The following WWOX variants were observed in gnomAD, a reference collection of about 807,000 sequenced individuals.
WWOX encodes the protein WW domain-containing oxidoreductase.
Under a neutral mutation model 46.2 loss-of-function variants are expected in WWOX, and 69 were observed. The ratio of observed to expected loss-of-function variants is 1.49; its 90% CI spans 1.23 to 1.82. WWOX has a LOEUF of 1.82. Ranked by LOEUF, WWOX falls within the 40% of genes most tolerant of loss-of-function variation. The pLI, the probability that WWOX is intolerant of heterozygous loss-of-function variation, is 0.00. For missense variants in WWOX, 919 were observed against 542.6 expected, an observed-to-expected ratio of 1.69 and a Z score of -6.89; for synonymous variants, 359 against 202.6, an observed-to-expected ratio of 1.77 and a Z score of -6.56.
chr16:79,189,381 C>T (rs572349880), intron 8 of WWOX, among the ~76,000 whole-genome samples: 79 of 151,040 alleles, frequency 5.2e-4, no homozygotes, highest in African/African-American at 1.9e-3. Flanking sequence ...TCTCAGCCTC[C>T]CGAGTAGCTG....
intron 8 of WWOX, among the ~76,000 whole-genome samples, chr16:79,063,901 G>T (rs2048397511): frequency 6.6e-6 from 1 of 152,214 alleles, no homozygotes. Flanking sequence ...CAAAGATAAT[G>T]AGACTAGTAT....
chr16:79,016,336 T>G (rs542806295), intron 8 of WWOX: 1 of 152,386 alleles, frequency 6.6e-6, no homozygotes, highest in East Asian at 1.9e-4. Flanking sequence ...GGGTGGTTGC[T>G]CCTCCTGCAG....
At chr16:78,424,111 T>A (rs28374160) in intron 6 of WWOX, among the ~76,000 whole-genome samples, 2 of 143,578 alleles carry the variant, frequency 1.4e-5, no homozygotes, top group Non-Finnish European at 3.0e-5. Context: ...TCTTTTCTTT[T>A]TTTTTTTTGT....
chr16:79,187,803 C>G (rs1270789032), intron 8 of WWOX, among the ~76,000 whole-genome samples: 2 of 152,236 alleles, frequency 1.3e-5, no homozygotes, highest in Non-Finnish European at 2.9e-5. Context: ...TGGCCTCCCA[C>G]ATTGCTGGGA....
chr16:78,325,912 G>A (rs2080601368), intron 5 of WWOX, among the ~76,000 whole-genome samples: 1 of 152,370 alleles, frequency 6.6e-6, no homozygotes, highest in South Asian at 2.1e-4. Flanking sequence ...GCTATGAAAT[G>A]ATGCCCACTG....
chr16:79,047,068 A>G (rs2048079145), intron 8 of WWOX, among the ~76,000 whole-genome samples: 1 of 152,196 alleles, frequency 6.6e-6, no homozygotes, highest in African/African-American at 2.4e-5. Flanking sequence ...GGCATCCACA[A>G]ATATTGCTTC....
Position 78,849,458 on chromosome 16 carries a change from C to T in WWOX, c.1057-362150C>T, listed in dbSNP as rs2052384995. On this transcript the variant is annotated intron_variant, in intron 8 of 8. Coordinates refer to ENST00000566780, the MANE Select transcript of WWOX (RefSeq NM_016373.4). ...GCCTGGTGGCGGGCGCCTGTAGTCC[C>T]AGCTACTGGGGAGGCTGAGGCAGGA... Among the ~76,000 whole-genome samples the T allele has an allele frequency of 2.0e-5, 3 of 151,266 alleles. No individual in the cohort carries two copies. In the South Asian group the frequency reaches 6.3e-4, roughly 32 times the overall value.
chr16:79,109,544 T>G (rs2049376855), intron 8 of WWOX, among the ~76,000 whole-genome samples: 1 of 152,214 alleles, frequency 6.6e-6, no homozygotes, highest in African/African-American at 2.4e-5. Flanking sequence ...CAAATTAATA[T>G]GCAGTTGCTA....
chr16:78,710,498 A>ATT (rs1555520990), intron 8 of WWOX, among the ~76,000 whole-genome samples: 57 of 132,744 alleles, frequency 4.3e-4, no homozygotes, highest in Middle Eastern at 3.8e-3. Flanking sequence ...ATATATATAT[A>ATT]TTTATATAAA....
intron 8 of WWOX, among the ~76,000 whole-genome samples, chr16:78,954,171 T>G (rs2046118888): frequency 6.6e-6 from 1 of 152,214 alleles, no homozygotes. Flanking sequence ...GATTGCATAT[T>G]CTTTAGATGG....
At chr16:78,537,106 G>A (rs183931704) in intron 8 of WWOX, among the ~76,000 whole-genome samples, 3 of 151,882 alleles carry the variant, frequency 2.0e-5, no homozygotes, top group East Asian at 1.9e-4. Context: ...TAGTAGAGGC[G>A]GGGTTTTGCC....
chr16:78,338,919 ACTT>A lies in WWOX; in HGVS notation c.517-47933_517-47931del, dbSNP rs1232717305. ...AAAGTTAAAGCAGCCCTCAGCATCA[ACTT>A]CTTCTTCATTTCTAACTCATTTAGT... On this transcript the variant is annotated intron_variant, in intron 5 of 8. Coordinates refer to ENST00000566780, the MANE Select transcript of WWOX (RefSeq NM_016373.4). Among the ~76,000 whole-genome samples, 7 of 120,682 alleles carry A rather than the reference ACTT, an allele frequency of 5.8e-5. 1 individual carries two copies. The highest frequency in any genetic ancestry group is 1.9e-4 in the East Asian group (1 of 5,160). The allele number at this position is 120,682 out of a possible 152,430, so 79.2% of individuals were successfully genotyped here. A position where few individuals can be genotyped will look rare whatever the true frequency, so the allele number is the denominator to read the frequency against.
intron 8 of WWOX, among the ~76,000 whole-genome samples, chr16:78,829,003 G>A (rs2051737825): frequency 6.6e-6 from 1 of 152,100 alleles, no homozygotes; most frequent in Admixed American, 6.5e-5. Context: ...TTAAACCCTT[G>A]GACTTCTTCT....
At chr16:78,411,328 T>C (rs917314746) in intron 6 of WWOX, among the ~76,000 whole-genome samples, 3 of 152,168 alleles carry the variant, frequency 2.0e-5, no homozygotes, top group Non-Finnish European at 4.4e-5. Flanking sequence ...TGTGTGTTTA[T>C]ATATTGCTAA....
At chr16:78,788,312 G>C (rs1597610848) in intron 8 of WWOX, among the ~76,000 whole-genome samples, 2 of 151,384 alleles carry the variant, frequency 1.3e-5, no homozygotes, top group African/African-American at 4.9e-5. Flanking sequence ...GCAGTCTATT[G>C]TTACAATATT....
chr16:78,749,459 T>A (rs2049426343), intron 8 of WWOX, among the ~76,000 whole-genome samples: 1 of 152,058 alleles, frequency 6.6e-6, no homozygotes, highest in Non-Finnish European at 1.5e-5. Context: ...CAAACTGAGG[T>A]TTTGGGTTCT....
At chr16:78,437,232 T>G (rs995604133) in intron 8 of WWOX, among the ~76,000 whole-genome samples, 3 of 152,196 alleles carry the variant, frequency 2.0e-5, no homozygotes, top group Non-Finnish European at 4.4e-5. Context: ...CCTTTTTTAT[T>G]TGCTGTGACT....
chr16:78,706,753 A>T (rs559042620), intron 8 of WWOX, among the ~76,000 whole-genome samples: 1 of 152,164 alleles, frequency 6.6e-6, no homozygotes, highest in East Asian at 1.9e-4. Context: ...TTGGCACCTC[A>T]GATGGTTCTT....
chr16:79,114,347 G>A (rs2049471191), intron 8 of WWOX, among the ~76,000 whole-genome samples: 1 of 142,826 alleles, frequency 7.0e-6, no homozygotes, highest in Non-Finnish European at 1.5e-5. Context: ...AGAGAAAAGA[G>A]AGGGAGATTT....
Sources: gnomAD v4.1 joint callset for allele counts (sites outside exome capture counted in the v4.1 genomes callset) on GRCh38, gnomAD v4.1.1 for gene constraint, MANE v1.5 for transcripts, NCBI Gene and HGNC (gene_info 2026-07-23, HGNC 2026-07-21) for gene names.